GLIS3: variants seen among roughly 807,000 people sequenced by gnomAD.
GLIS3 encodes the protein zinc finger protein GLIS3.
Under a neutral mutation model 78.6 loss-of-function variants are expected in GLIS3, and 53 were observed. The observed-to-expected ratio is 0.67, with a 90% CI of 0.54 to 0.85. GLIS3 has a LOEUF of 0.85. Among genes scored for constraint, GLIS3 ranks in the 40% least tolerant of loss-of-function variants. The pLI is 0.00. For missense variants in GLIS3, 1,703 were observed against 1,231.1 expected (o/e 1.38, Z -5.74); for synonymous variants, 684 against 509.9 (o/e 1.34, Z -4.60).
At position 3,997,299 on chromosome 9, in the gene GLIS3, T is replaced by C. The variant is rs535185748; in HGVS notation, c.1711-60110A>G. On this transcript the variant is annotated intron_variant, in intron 4 of 10. Transcript: ENST00000381971. Reference sequence around the variant, plus strand: ...AGGCGGAGGTTGAGGTAAGCCGAGATCGCTGCATTGCACCCCAGCCTGGGC... The same window carrying C: ...AGGCGGAGGTTGAGGTAAGCCGAGACCGCTGCATTGCACCCCAGCCTGGGC... Among the ~76,000 whole-genome samples, 434 of 152,278 alleles carry C rather than the reference T, an allele frequency of 2.9e-3. 6 individuals carry two copies. The highest frequency in any genetic ancestry group is 6.7e-3 in the African/African-American group (278 of 41,554).
chr9:3,829,427 G>A lies in GLIS3; in HGVS notation c.2539C>T (p.Pro847Ser). The A allele has an allele frequency of 6.2e-7, 1 of 1,614,178 alleles. No homozygotes were observed. Among genetic ancestry groups the A allele is most frequent in the Non-Finnish European group, 8.5e-7 (1 of 1,180,028 alleles). Residue 847 changes from proline (P) to serine (S), a missense_variant, in exon 10 of 11, where the codon CCT becomes TCT. Physicochemically the swap from Pro to Ser is moderately conservative, Grantham distance 74. Coordinates refer to ENST00000381971, the MANE Select transcript of GLIS3 (RefSeq NM_001042413.2). The part of the protein sequence containing the change: ...HYPDSQRIVP[P>S]VSSCSVVPSF... The stretch of plus-strand genomic sequence containing the variant: ...GGCACCACACTGCAGGAGCTGACAG[G>A]CGGCACAATTCTCTGGGAATCGGGG...
chr9:4,349,080 G>C (rs1028744510), upstream of GLIS3, among the ~76,000 whole-genome samples: 1 of 152,116 alleles, frequency 6.6e-6, no homozygotes, highest in African/African-American at 2.4e-5. Flanking sequence ...ATAAAAATAG[G>C]AGAATGCAAC....
chr9:3,923,015 A>G (rs1824990243), intron 6 of GLIS3, among the ~76,000 whole-genome samples: 1 of 152,166 alleles, frequency 6.6e-6, no homozygotes. Flanking sequence ...ATTCCAAGAT[A>G]ATTAGCCAAG....
chr9:4,286,388 G>A lies in GLIS3; in HGVS notation c.38C>T (p.Thr13Ile), dbSNP rs1828003779. Residue 13 changes from threonine (T) to isoleucine (I), a missense_variant, in exon 2 of 11, where the codon ACA becomes ATA. Transcript: ENST00000381971. ...CCTAGGCCCCTGTGGGGTTCCCGAT[G>A]TCCGGTGGAGACTCATGCTGCATGA... ...GRSCSMSLHR[T>I]SGTPQGPRMV... 3 of 1,614,182 alleles carry A rather than the reference G, an allele frequency of 1.9e-6. No homozygotes were observed. Among genetic ancestry groups the A allele is most frequent in the Non-Finnish European group, 1.7e-6 (2 of 1,180,046 alleles).
chr9:4,170,285 T>C (rs1240265036), intron 2 of GLIS3, among the ~76,000 whole-genome samples: 1 of 152,226 alleles, frequency 6.6e-6, no homozygotes, highest in Non-Finnish European at 1.5e-5. Flanking sequence ...GGCAACTCTT[T>C]TGGACACAGA....
intron 6 of GLIS3, among the ~76,000 whole-genome samples, chr9:3,926,551 G>T: frequency 6.6e-6 from 1 of 151,750 alleles, no homozygotes; most frequent in Non-Finnish European, 1.5e-5. Flanking sequence ...TTAAAAATTT[G>T]CAGCCAATCT....
intron 4 of GLIS3, among the ~76,000 whole-genome samples, chr9:3,979,263 T>C (rs1819043775): frequency 1.3e-5 from 2 of 152,200 alleles, no homozygotes; most frequent in Admixed American, 6.5e-5. Context: ...ATGCTATTCA[T>C]CACTCCCCAG....
chr9:4,324,378 A>G (rs1039010929), intron 2 of GLIS3, among the ~76,000 whole-genome samples: 10 of 152,110 alleles, frequency 6.6e-5, no homozygotes, highest in African/African-American at 2.4e-4. Flanking sequence ...ACTTCTTTCA[A>G]CCTCAGTATT....
intron 2 of GLIS3, among the ~76,000 whole-genome samples, chr9:4,257,330 G>A (rs1486561264): frequency 6.6e-6 from 1 of 152,098 alleles, no homozygotes; most frequent in Non-Finnish European, 1.5e-5. Flanking sequence ...GATGAGTGGG[G>A]TGGGGATGTG....
At chr9:4,291,321 G>C (rs1353001309) in intron 1 of GLIS3, among the ~76,000 whole-genome samples, 1 of 152,040 alleles carries the variant, frequency 6.6e-6, no homozygotes, top group Non-Finnish European at 1.5e-5. Flanking sequence ...TTCTTCCAAA[G>C]ACTACTCAGA....
chr9:4,050,505 T>G (rs1295845784), intron 4 of GLIS3, among the ~76,000 whole-genome samples: 4 of 151,972 alleles, frequency 2.6e-5, no homozygotes, highest in South Asian at 2.1e-4. Flanking sequence ...TACATGACAA[T>G]TTGATGGGTG....
chr9:3,896,472 C>T (rs1016996061), intron 7 of GLIS3, among the ~76,000 whole-genome samples: 4 of 151,616 alleles, frequency 2.6e-5, no homozygotes, highest in Admixed American at 1.3e-4. Flanking sequence ...TGAGACCAGC[C>T]TGGCCAACAT....
the GLIS3 span, among the ~76,000 whole-genome samples, chr9:4,353,993 A>ATTTTTTTTTTTTTTTTTT: frequency 1.8e-3 from 250 of 135,682 alleles, no homozygotes; most frequent in Non-Finnish European, 2.8e-3. Flanking sequence ...ACACCCGGCT[A>ATTTTTTTTTTTTTTTTTT]TTTTTTTTTT....
rs1816919414 is a variant in GLIS3 at position 4,299,436 on chromosome 9, T to A, written c.-114A>T. 6.6e-6 allele frequency: 1 copy of A among 152,400 alleles called. No homozygotes were observed. The highest frequency in any genetic ancestry group is 1.5e-5 in the Non-Finnish European group (1 of 68,064). 9.4% of individuals were successfully genotyped at this position (152,400 alleles called of 1,614,324 possible). A position where few individuals can be genotyped will look rare whatever the true frequency, so the allele number is the denominator to read the frequency against. On this transcript the variant is annotated 5_prime_UTR_variant, in exon 1 of 11. Transcript: ENST00000381971. ...ATCCACTTACCAGGTAACCGGGATTTCCACAACAAAGCCCGGCGTGCGGGT... is the reference window on the plus strand; with the variant it reads ...ATCCACTTACCAGGTAACCGGGATTACCACAACAAAGCCCGGCGTGCGGGT...
At chr9:4,226,615 T>G (rs1381094146) in intron 2 of GLIS3, among the ~76,000 whole-genome samples, 1 of 152,178 alleles carries the variant, frequency 6.6e-6, no homozygotes, top group Non-Finnish European at 1.5e-5. Context: ...GAAGTAGAAC[T>G]CTATAGCATT....
chr9:4,303,485 T>C (rs1247922059), upstream of GLIS3, among the ~76,000 whole-genome samples: 1 of 152,236 alleles, frequency 6.6e-6, no homozygotes, highest in Non-Finnish European at 1.5e-5. Flanking sequence ...CTGATTTTTC[T>C]ACTAATTTGT....
intron 4 of GLIS3, among the ~76,000 whole-genome samples, chr9:4,041,571 T>C (rs1354390683): frequency 1.3e-5 from 2 of 152,204 alleles, no homozygotes; most frequent in East Asian, 3.8e-4. Context: ...CCTACTTAAT[T>C]GTTCATAAAA....
chr9:3,882,109 T>A (rs1821769515), intron 7 of GLIS3, among the ~76,000 whole-genome samples: 1 of 152,252 alleles, frequency 6.6e-6, no homozygotes, highest in African/African-American at 2.4e-5. Context: ...ACCTATCATT[T>A]GGCAGACATG....
chr9:4,486,559 G>A, the GLIS3 span, among the ~76,000 whole-genome samples: 1 of 152,158 alleles, frequency 6.6e-6, no homozygotes, highest in Non-Finnish European at 1.5e-5. Context: ...TCATTGGGAG[G>A]CTAGGTCTTC....
Sources: gnomAD v4.1 joint callset for allele counts (sites outside exome capture counted in the v4.1 genomes callset) on GRCh38, gnomAD v4.1.1 for gene constraint, MANE v1.5 for transcripts, NCBI Gene and HGNC (gene_info 2026-07-23, HGNC 2026-07-21) for gene names.